Variants in GPRC6A observed in about 807,000 individuals in gnomAD.
GPRC6A encodes the protein G protein-coupled receptor class C group 6 member A, also known as G protein-coupled receptor family C group 6 member A.
A neutral mutation model predicts 47.0 loss-of-function variants in GPRC6A; 54 were observed. That is an observed-to-expected ratio of 1.15 (90% confidence interval 0.92 to 1.44). GPRC6A has a LOEUF of 1.44. Among genes scored for constraint, GPRC6A ranks in the 40% most tolerant of loss-of-function variants. GPRC6A has a pLI of 0.00. For synonymous variants in GPRC6A, 347 were observed against 377.1 expected (o/e 0.92, Z 0.93); for missense variants, 1,112 against 1,105.5 (o/e 1.01, Z -0.08).
At chr6:116,794,363 G>A (rs183610312) in intron 5 of GPRC6A, among the ~76,000 whole-genome samples, 9 of 152,022 alleles carry the variant, frequency 5.9e-5, no homozygotes, top group East Asian at 5.8e-4. Flanking sequence ...CATTTCATTC[G>A]TCCAGTGGAC....
In GPRC6A at chr6:116,829,061, A is replaced by G; in HGVS notation, c.-48T>C. ...TCATGTGAGTTCTTAGGAATCATTA[A>G]GTGCACGGAGTGCCAGCAAGATTCC... On this transcript the variant is annotated 5_prime_UTR_variant, in exon 1 of 6. Coordinates refer to ENST00000310357, the MANE Select transcript of GPRC6A (RefSeq NM_148963.4). 1 of 1,552,930 alleles carries G rather than the reference A, an allele frequency of 6.4e-7. No homozygotes were observed. Among genetic ancestry groups the G allele is most frequent in the Non-Finnish European group, 8.7e-7 (1 of 1,150,882 alleles).
At chr6:116,824,420 T>A (rs1773612029) in intron 1 of GPRC6A, among the ~76,000 whole-genome samples, 1 of 151,806 alleles carries the variant, frequency 6.6e-6, no homozygotes, top group African/African-American at 2.4e-5. Flanking sequence ...ACATTACAAC[T>A]GATACCACAG....
intron 3 of GPRC6A, 41 bp from the exon 4 acceptor site, chr6:116,800,837 G>A (rs1178653049): frequency 3.3e-6 from 4 of 1,203,390 alleles, no homozygotes; most frequent in East Asian, 2.4e-5. Flanking sequence ...TAATATAAAT[G>A]TTGCAAATGT....
intron 3 of GPRC6A, among the ~76,000 whole-genome samples, chr6:116,804,087 T>C (rs1001507668): frequency 6.6e-6 from 1 of 152,116 alleles, no homozygotes; most frequent in Non-Finnish European, 1.5e-5. Context: ...TTAGGCATTC[T>C]TTCTTTTCTC....
In GPRC6A at chr6:116,793,237, G is replaced by T; in HGVS notation, c.1686C>A (p.Cys562Ter). The stretch of plus-strand genomic sequence containing the variant: ...AGTGAGTTTTGTTGTTGCATAAAAG[G>T]CAGTGAGGCATATCTAAAAGACAGA... ...HYTNQTDMPH[C>*]LLCNNKTHWA... The change falls in exon 6 of 6, where the codon TGC becomes TGA. Residue 562 changes from cysteine (C) to a stop codon, truncating the protein, a stop_gained. Coordinates refer to ENST00000310357, the MANE Select transcript of GPRC6A (RefSeq NM_148963.4). LOFTEE classifies it low-confidence loss of function (END_TRUNC). 1 of 1,595,268 alleles carries T rather than the reference G, an allele frequency of 6.3e-7. No homozygotes were observed. Among genetic ancestry groups the T allele is most frequent in the Non-Finnish European group, 8.5e-7 (1 of 1,172,266 alleles).
chr6:116,802,629 C>A (rs1562480555), intron 3 of GPRC6A, among the ~76,000 whole-genome samples: 1 of 152,078 alleles, frequency 6.6e-6, no homozygotes. Context: ...ACATCCTTGC[C>A]TCTGTGTCCT....
Position 116,795,695 on chromosome 6 carries a change from G to A in GPRC6A, c.1672+17C>T. On this transcript the variant is annotated intron_variant, in intron 5 of 5. Coordinates refer to ENST00000310357, the MANE Select transcript of GPRC6A (RefSeq NM_148963.4). ...TAAGAGGAATGATTCAGGTGTATGT[G>A]GAGTGACTGTGATTACCTGTCTGAT... 6.3e-7 allele frequency: 1 copy of A among 1,592,354 alleles called. No individual in the cohort carries two copies. Among genetic ancestry groups the A allele is most frequent in the Non-Finnish European group, 8.6e-7 (1 of 1,166,128 alleles).
At chr6:116,814,353 C>T (rs915343015) in intron 1 of GPRC6A, among the ~76,000 whole-genome samples, 1 of 152,222 alleles carries the variant, frequency 6.6e-6, no homozygotes, top group South Asian at 2.1e-4. Context: ...TGCAACCAAC[C>T]CAAATGTCCA....
Position 116,829,010 on chromosome 6 carries a change from C to A in GPRC6A, c.4G>T (p.Ala2Ser). The change falls in exon 1 of 6, where the codon GCA becomes TCA. Residue 2 changes from alanine (A) to serine (S), a missense_variant. Physicochemically the swap from Ala to Ser is moderately conservative, Grantham distance 99. Transcript: ENST00000310357. The stretch of plus-strand genomic sequence containing the variant: ...CAGGTAATTAGTATAATTAAGAATG[C>A]CATGTTTCTATCTCATTTGCTCAGT... M[A>S]FLIILITCFV... 1 of 1,609,134 alleles carries A rather than the reference C, an allele frequency of 6.2e-7. No homozygotes were observed. Among genetic ancestry groups the A allele is most frequent in the Non-Finnish European group, 8.5e-7 (1 of 1,177,140 alleles).
chr6:116,800,602 A>T lies in GPRC6A; in HGVS notation c.1530T>A (p.Asn510Lys), dbSNP rs1772640038. 1 of 1,612,838 alleles carries T rather than the reference A, an allele frequency of 6.2e-7. No homozygotes were observed. The highest frequency in any genetic ancestry group is 1.3e-5 in the African/African-American group (1 of 74,830). The change falls in exon 4 of 6, where the codon AAT becomes AAA. Residue 510 changes from asparagine to lysine, a missense_variant. Asn to Lys is a moderately conservative substitution (Grantham distance 94). Coordinates refer to ENST00000310357, the MANE Select transcript of GPRC6A (RefSeq NM_148963.4). ...VFIIPDQETKNEFRNLKQIQS... is the reference protein window; with the variant it reads ...VFIIPDQETKKEFRNLKQIQS... ...AGGTTACCTTAAGATTCCTGAACTC[A>T]TTTTTTGTTTCCTGATCTGGGATGA...
intron 4 of GPRC6A, among the ~76,000 whole-genome samples, chr6:116,800,190 C>T (rs1224158431): frequency 6.7e-6 from 1 of 148,600 alleles, no homozygotes; most frequent in African/African-American, 2.5e-5. Context: ...CCCTCCCCTC[C>T]CCTCCCTCCC....
Position 116,792,790 on chromosome 6 carries a change from G to A in GPRC6A, c.2133C>T (p.Cys711=). 6.2e-7 allele frequency: 1 copy of A among 1,614,046 alleles called. No individual in the cohort carries two copies. Among genetic ancestry groups the A allele is most frequent in the Non-Finnish European group, 8.5e-7 (1 of 1,179,976 alleles). Residue 711 remains cysteine, a synonymous_variant, in exon 6 of 6, where the codon TGC becomes TGT. Coordinates refer to ENST00000310357, the MANE Select transcript of GPRC6A (RefSeq NM_148963.4). The part of the protein sequence containing the change: ...LYRPILIIFT[C]TGIQVVICTL... ...TGCAAATGACAACCTGGATGCCCGT[G>A]CAAGTGAAGATAATAAGGATCGGTC...
chr6:116,807,020 T>C lies in GPRC6A; in HGVS notation c.685A>G (p.Ile229Val). The C allele has an allele frequency of 6.2e-7, 1 of 1,613,786 alleles. No individual in the cohort carries two copies. Among genetic ancestry groups the C allele is most frequent in the Non-Finnish European group, 8.5e-7 (1 of 1,179,812 alleles). ...ACGTTATTTGCTTCAGCCTGAATTA[T>C]AAAAGTGTTAAGAGCCAATCGTCCA... ...DYGRLALNTFIIQAEANNVCI... is the reference protein window; with the variant it reads ...DYGRLALNTFVIQAEANNVCI... Residue 229 changes from isoleucine to valine, a missense_variant, in exon 3 of 6, where the codon ATA becomes GTA. Ile to Val is a conservative substitution (Grantham distance 29, BLOSUM62 3). Transcript: ENST00000310357.
At position 116,821,061 on chromosome 6, in the gene GPRC6A, A is replaced by T. The variant is rs1294295179; in HGVS notation, c.194+7759T>A. On this transcript the variant is annotated intron_variant, in intron 1 of 5. Transcript: ENST00000310357. ...AAAATCACAAGCATTCTTATACACC[A>T]ACAACAGACAAACAGAGAGCCAAAT... 8.8e-4 allele frequency among the ~76,000 whole-genome samples: 132 copies of T among 149,518 alleles called. 1 individual carries two copies. The highest frequency in any genetic ancestry group is 1.7e-3 in the Non-Finnish European group (112 of 66,544).
Position 116,818,532 on chromosome 6 carries a change from TAAAAAAAAAAAAAAAAAA to T in GPRC6A, c.195-8933_195-8916del, listed in dbSNP as rs35974500. Among the ~76,000 whole-genome samples the T allele has an allele frequency of 4.6e-3, 71 of 15,500 alleles. 2 individuals are homozygous for T. Among genetic ancestry groups the T allele is most frequent in the Non-Finnish European group, 8.7e-3 (51 of 5,886 alleles). 10.2% of individuals were successfully genotyped at this position (15,500 alleles called of 152,430 possible). A position where few individuals can be genotyped will look rare whatever the true frequency, so the allele number is the denominator to read the frequency against. On this transcript the variant is annotated intron_variant, in intron 1 of 5. Transcript: ENST00000310357. The stretch of plus-strand genomic sequence containing the variant: ...CTGGGCGACAGAGCGAGACTCCGTC[TAAAAAAAAAAAAAAAAAA>T]AAAAAAAAAAAAAAAAAAAAGAATT...
chr6:116,807,949 A>G (rs2114597444), intron 2 of GPRC6A, among the ~76,000 whole-genome samples: 1 of 151,692 alleles, frequency 6.6e-6, no homozygotes, highest in African/African-American at 2.4e-5. Flanking sequence ...CAATAGTAAC[A>G]TGTCACTTGC....
chr6:116,795,392 T>C (rs571823639), intron 5 of GPRC6A, among the ~76,000 whole-genome samples: 116 of 152,288 alleles, frequency 7.6e-4, no homozygotes, highest in Admixed American at 1.8e-3. Context: ...CACATCTGTA[T>C]AGGGATACAT....
intron 1 of GPRC6A, among the ~76,000 whole-genome samples, chr6:116,812,786 G>A (rs9489042): frequency 1.3e-5 from 2 of 152,034 alleles, no homozygotes; most frequent in East Asian, 3.8e-4. Context: ...AGAAATAAAC[G>A]GTATTCAATT....
At chr6:116,827,144 C>T (rs1430945570) in intron 1 of GPRC6A, among the ~76,000 whole-genome samples, 1 of 151,894 alleles carries the variant, frequency 6.6e-6, no homozygotes, top group Non-Finnish European at 1.5e-5. Flanking sequence ...TTTGACAGCA[C>T]AGTTACTCTA....
Sources: gnomAD v4.1 joint callset for allele counts (sites outside exome capture counted in the v4.1 genomes callset) on GRCh38, gnomAD v4.1.1 for gene constraint, MANE v1.5 for transcripts, NCBI Gene and HGNC (gene_info 2026-07-23, HGNC 2026-07-21) for gene names.